Variants in DGKB observed in about 807,000 individuals in gnomAD.
DGKB encodes diacylglycerol kinase beta.
A neutral mutation model predicts 114.3 loss-of-function variants in DGKB; 67 were observed. The ratio of observed to expected loss-of-function variants is 0.59; its 90% CI spans 0.48 to 0.72. The LOEUF (loss-of-function observed/expected upper bound fraction) is 0.72, where lower values mean the gene tolerates loss of function less well. Among genes scored for constraint, DGKB ranks in the 30% least tolerant of loss-of-function variants. The pLI is 0.00. For synonymous variants in DGKB, 398 were observed against 323.1 expected, an observed-to-expected ratio of 1.23 and a Z score of -2.49; for missense variants, 907 against 975.2, an observed-to-expected ratio of 0.93 and a Z score of 0.93.
chr7:14,284,754 C>T (rs1800565745), intron 23 of DGKB, among the ~76,000 whole-genome samples: 1 of 150,834 alleles, frequency 6.6e-6, no homozygotes, highest in African/African-American at 2.4e-5. Context: ...AGTAAACTAT[C>T]ACAAGAACAA....
At chr7:14,183,485 C>G (rs1424678539) in intron 23 of DGKB, among the ~76,000 whole-genome samples, 7 of 152,112 alleles carry the variant, frequency 4.6e-5, no homozygotes, top group Admixed American at 3.3e-4. Flanking sequence ...AACATACAAT[C>G]CAATTGTAGG....
rs368911097 is a variant in DGKB, at chr7:14,963,208, A to T, written c.-188+11488T>A. Among the ~76,000 whole-genome samples, 4 of 152,222 alleles carry T rather than the reference A, an allele frequency of 2.6e-5. No individual in the cohort carries two copies. The East Asian group carries it at 7.7e-4, about 29-fold the overall frequency. ...TGGTGGATGCTCTCTTCTGTGGCCA[A>T]GAGGGGGGTTACTAAAAGGAGAACC... On this transcript the variant is annotated intron_variant, in intron 1 of 4. Transcript: ENST00000437998.
At chr7:14,399,736 A>G (rs887599948) in intron 21 of DGKB, among the ~76,000 whole-genome samples, 2 of 151,890 alleles carry the variant, frequency 1.3e-5, no homozygotes, top group African/African-American at 2.4e-5. Flanking sequence ...TAGAATGGCA[A>G]TGAAAATCTA....
At chr7:14,809,112 T>G (rs1373568900) in intron 2 of DGKB, among the ~76,000 whole-genome samples, 2 of 152,130 alleles carry the variant, frequency 1.3e-5, no homozygotes, top group Non-Finnish European at 2.9e-5. Context: ...TTACAGCTAC[T>G]GCATTATAAA....
At chr7:14,596,341 C>T (rs1802573887) in intron 17 of DGKB, among the ~76,000 whole-genome samples, 2 of 152,140 alleles carry the variant, frequency 1.3e-5, no homozygotes, top group Admixed American at 6.6e-5. Flanking sequence ...CAAGGATAAG[C>T]TTTGAACTTT....
chr7:14,250,526 T>C, intron 23 of DGKB, among the ~76,000 whole-genome samples: 1 of 152,194 alleles, frequency 6.6e-6, no homozygotes, highest in East Asian at 1.9e-4. Context: ...TCTAATATTA[T>C]GTCAATCTTC....
chr7:14,431,289 T>C (rs966701427), intron 21 of DGKB, among the ~76,000 whole-genome samples: 5 of 152,168 alleles, frequency 3.3e-5, no homozygotes, highest in Admixed American at 3.3e-4. Context: ...TTAGGGTTCC[T>C]TAAACCTCAC....
intron 20 of DGKB, among the ~76,000 whole-genome samples, chr7:14,567,181 AATTATATATTTATATATTATATAT>A (rs1350651592): frequency 1.2e-5 from 1 of 81,750 alleles, no homozygotes; most frequent in African/African-American, 4.7e-5. Context: ...TATTATATAT[AATTATATATTTATATATTATATAT>A]ATTATATATT....
intron 21 of DGKB, among the ~76,000 whole-genome samples, chr7:14,441,159 C>T (rs932682742): frequency 6.6e-6 from 1 of 151,996 alleles, no homozygotes; most frequent in African/African-American, 2.4e-5. Flanking sequence ...CAGGTGTGCA[C>T]AAACACACCC....
intron 1 of DGKB, among the ~76,000 whole-genome samples, chr7:14,936,028 G>A (rs1785256417): frequency 6.6e-6 from 1 of 152,148 alleles, no homozygotes; most frequent in Non-Finnish European, 1.5e-5. Flanking sequence ...GCTAATCAGA[G>A]GATGTTGACT....
chr7:14,572,611 A>T (rs1798567257), intron 20 of DGKB, among the ~76,000 whole-genome samples: 2 of 152,158 alleles, frequency 1.3e-5, no homozygotes, highest in African/African-American at 4.8e-5. Context: ...AAATCCTAAG[A>T]GACTTAAGAG....
intron 22 of DGKB, among the ~76,000 whole-genome samples, 167 bp downstream of exon 22, chr7:14,345,134 T>G: frequency 6.6e-6 from 1 of 151,732 alleles, no homozygotes; most frequent in East Asian, 1.9e-4. Flanking sequence ...GTATGTCAGA[T>G]AGTGCTGTAT....
chr7:14,542,187 T>G (rs1356202288), intron 20 of DGKB, among the ~76,000 whole-genome samples: 1 of 151,866 alleles, frequency 6.6e-6, no homozygotes, highest in African/African-American at 2.4e-5. Flanking sequence ...TTATTATCAT[T>G]ATTATTATTA....
At chr7:14,477,858 G>A (rs188167395) in intron 21 of DGKB, among the ~76,000 whole-genome samples, 54 of 152,048 alleles carry the variant, frequency 3.6e-4, no homozygotes, top group East Asian at 7.7e-4. Flanking sequence ...GTTCATATAC[G>A]TCATGAAAAC....
intron 1 of DGKB, among the ~76,000 whole-genome samples, chr7:14,911,124 G>A (rs1783981507): frequency 2.0e-5 from 3 of 151,820 alleles, no homozygotes; most frequent in Admixed American, 2.0e-4. Flanking sequence ...AGTAAAACAT[G>A]TTATTATAGT....
At chr7:14,786,152 ACACACACACACG>A (rs1235466659) in intron 2 of DGKB, among the ~76,000 whole-genome samples, 435 of 152,042 alleles carry the variant, frequency 2.9e-3, no homozygotes, top group African/African-American at 9.8e-3. Context: ...ACACACACAC[ACACACACACACG>A]CACACAGCCT....
At chr7:14,857,009 A>G (rs1850247809) in intron 1 of DGKB, among the ~76,000 whole-genome samples, 1 of 152,174 alleles carries the variant, frequency 6.6e-6, no homozygotes, top group Admixed American at 6.6e-5. Context: ...GAACATGGCA[A>G]CATGAATGGG....
intron 1 of DGKB, among the ~76,000 whole-genome samples, chr7:14,878,066 A>G (rs1255644544): frequency 2.0e-5 from 3 of 152,116 alleles, no homozygotes; most frequent in African/African-American, 7.2e-5. Context: ...AACAGAAAAA[A>G]AAAAAAGCCA....
chr7:14,656,044 C>T (rs79873189), intron 13 of DGKB, among the ~76,000 whole-genome samples: 6 of 151,514 alleles, frequency 4.0e-5, no homozygotes, highest in South Asian at 4.1e-4. Flanking sequence ...ATTTCCAATA[C>T]GAAGAAATGA....
Sources: gnomAD v4.1 joint callset for allele counts (sites outside exome capture counted in the v4.1 genomes callset) on GRCh38, gnomAD v4.1.1 for gene constraint, MANE v1.5 for transcripts, NCBI Gene and HGNC (gene_info 2026-07-23, HGNC 2026-07-21) for gene names.